The following ARHGEF12 variants were observed in gnomAD, a reference collection of about 807,000 sequenced individuals.
The protein encoded by ARHGEF12 is KMT2A/ARHGEF12 fusion protein.
A neutral mutation model predicts 211.2 loss-of-function variants in ARHGEF12; 66 were observed. The ratio of observed to expected loss-of-function variants is 0.31; its 90% CI spans 0.26 to 0.38. The LOEUF (loss-of-function observed/expected upper bound fraction) is 0.38, where lower values mean the gene tolerates loss of function less well. ARHGEF12 is among the 10% of genes least tolerant of loss of function. The pLI is 1.00. For missense variants in ARHGEF12, 1,429 were observed against 1,869.5 expected (o/e 0.76, Z 4.34); for synonymous variants, 592 against 638.4 (o/e 0.93, Z 1.09).
chr11:120,363,059 C>G (rs1943321962), intron 1 of ARHGEF12, among the ~76,000 whole-genome samples: 1 of 152,138 alleles, frequency 6.6e-6, no homozygotes, highest in Non-Finnish European at 1.5e-5. Context: ...GAGATCGCAC[C>G]ACTGCACTCC....
intron 1 of ARHGEF12, among the ~76,000 whole-genome samples, chr11:120,351,341 CAAAAAAAAAAAA>C (rs35596601): frequency 1.6e-4 from 3 of 18,692 alleles, no homozygotes; most frequent in South Asian, 6.0e-3. Context: ...GACTCCGTCT[CAAAAAAAAAAAA>C]AAAAAAAAAA....
intron 1 of ARHGEF12, among the ~76,000 whole-genome samples, chr11:120,401,168 G>A (rs1468702199): frequency 2.0e-5 from 3 of 151,942 alleles, no homozygotes; most frequent in Non-Finnish European, 4.4e-5. Flanking sequence ...TTTTTCTCCC[G>A]ATTCCACAAT....
chr11:120,437,381 CTG>C lies in ARHGEF12; in HGVS notation c.999+2_999+3del, dbSNP rs762375479. 3 of 1,610,340 alleles carry C rather than the reference CTG, an allele frequency of 1.9e-6. No homozygotes were observed. Among genetic ancestry groups the C allele is most frequent in the East Asian group, 4.5e-5 (2 of 44,678 alleles). ...GAGAAAAGTGAAACAATTCAGGACA[CTG>C]TGAGTATGAAATCCATGCAATGATA... On this transcript the variant is annotated splice_donor_variant and coding_sequence_variant, in exon 12 of 41. Transcript: ENST00000397843. LOFTEE classifies it high-confidence loss of function.
At chr11:120,425,506 G>T (rs1945317574) in intron 7 of ARHGEF12, among the ~76,000 whole-genome samples, 1 of 151,410 alleles carries the variant, frequency 6.6e-6, no homozygotes, top group South Asian at 2.1e-4. Context: ...GGGTTTTGCT[G>T]TGTTCCCCAG....
chr11:120,455,423 G>A (rs1303566679), intron 22 of ARHGEF12, among the ~76,000 whole-genome samples: 1 of 152,154 alleles, frequency 6.6e-6, no homozygotes, highest in Admixed American at 6.5e-5. Context: ...ATACAAAAGA[G>A]CCATGCCTTC....
chr11:120,347,162 TCCTTCCTTCCTTC>T (rs1942770259), intron 1 of ARHGEF12, among the ~76,000 whole-genome samples: 1 of 65,344 alleles, frequency 1.5e-5, no homozygotes, highest in Non-Finnish European at 2.8e-5. Flanking sequence ...CTTCCTTCCT[TCCTTCCTTCCTTC>T]CTTCCTTCCT....
At chr11:120,442,583 G>A (rs777771407) in intron 15 of ARHGEF12, among the ~76,000 whole-genome samples, 1 of 151,970 alleles carries the variant, frequency 6.6e-6, no homozygotes, top group Non-Finnish European at 1.5e-5. Context: ...ACTGAACTCT[G>A]GGTGGCCTCT....
chr11:120,409,555 C>A, intron 4 of ARHGEF12, 105 bp downstream of exon 4: 2 of 1,180,092 alleles, frequency 1.7e-6, no homozygotes, highest in Non-Finnish European at 2.4e-6. Context: ...ATAACTGCAG[C>A]CTTTCTTGTG....
At chr11:120,435,269 T>C (rs1190359901) in intron 11 of ARHGEF12, among the ~76,000 whole-genome samples, 1 of 152,116 alleles carries the variant, frequency 6.6e-6, no homozygotes, top group African/African-American at 2.4e-5. Context: ...ATTTTCTAAT[T>C]ATATTTTCAT....
intron 1 of ARHGEF12, among the ~76,000 whole-genome samples, chr11:120,391,810 C>T (rs1342408618): frequency 6.6e-6 from 1 of 152,184 alleles, no homozygotes; most frequent in Non-Finnish European, 1.5e-5. Context: ...TTCTAAAAAT[C>T]TACCTTCAAG....
At chr11:120,434,244 A>G (rs1400655443) in intron 11 of ARHGEF12, among the ~76,000 whole-genome samples, 1 of 152,216 alleles carries the variant, frequency 6.6e-6, no homozygotes, top group Non-Finnish European at 1.5e-5. Flanking sequence ...TTCAGTACCT[A>G]CTTTGTGCCA....
intron 1 of ARHGEF12, among the ~76,000 whole-genome samples, chr11:120,373,345 G>A (rs912273115): frequency 2.0e-5 from 3 of 152,090 alleles, no homozygotes; most frequent in Non-Finnish European, 2.9e-5. Context: ...TTTAAAATAT[G>A]TTTTATTTCC....
intron 31 of ARHGEF12, among the ~76,000 whole-genome samples, chr11:120,473,466 A>C (rs1026050953): frequency 5.9e-5 from 9 of 152,208 alleles, no homozygotes; most frequent in Non-Finnish European, 1.0e-4. Context: ...GCAGTGGTGC[A>C]GTCTTGGCTC....
intron 1 of ARHGEF12, among the ~76,000 whole-genome samples, chr11:120,343,489 A>G (rs1410122381): frequency 2.0e-5 from 3 of 152,260 alleles, no homozygotes; most frequent in African/African-American, 7.2e-5. Context: ...TTGCATGAGT[A>G]TATAGTGTCG....
rs147791210 is a variant in ARHGEF12, at chr11:120,414,791, T to C, written c.199+5341T>C. Among the ~76,000 whole-genome samples, 643 of 152,328 alleles carry C rather than the reference T, an allele frequency of 4.2e-3. 7 individuals are homozygous for C. The highest frequency in any genetic ancestry group is 0.015 in the African/African-American group (619 of 41,582). The stretch of plus-strand genomic sequence containing the variant: ...ATTTTTTGTAGAGAAGAGGTCTTGC[T>C]AAGTTGCCCAGGCTGTGCTCAAACT... On this transcript the variant is annotated intron_variant, in intron 4 of 40. Coordinates refer to ENST00000397843, the MANE Select transcript of ARHGEF12 (RefSeq NM_015313.3).
chr11:120,357,086 G>A (rs1210616633), intron 1 of ARHGEF12, among the ~76,000 whole-genome samples: 3 of 151,408 alleles, frequency 2.0e-5, no homozygotes, highest in Non-Finnish European at 2.9e-5. Flanking sequence ...GTGCAGTGGC[G>A]TGATCTCAGC....
chr11:120,357,021 T>TG (rs1347960218), intron 1 of ARHGEF12, among the ~76,000 whole-genome samples: 11 of 152,064 alleles, frequency 7.2e-5, no homozygotes, highest in Admixed American at 7.2e-4. Flanking sequence ...ACTGTTTTTT[T>TG]TTTTGTTTTG....
At chr11:120,363,307 G>C (rs1943330981) in intron 1 of ARHGEF12, among the ~76,000 whole-genome samples, 1 of 152,222 alleles carries the variant, frequency 6.6e-6, no homozygotes, top group Admixed American at 6.5e-5. Context: ...GTGGATAAAG[G>C]AGGTTTAAAG....
rs1435691305 is a variant in ARHGEF12 at position 120,446,237 on chromosome 11, T to TAATAATAATAATAAA, written c.1346-165_1346-164insATAATAATAATAAAA. 3.8e-3 allele frequency among the ~76,000 whole-genome samples: 543 copies of TAATAATAATAATAAA among 142,592 alleles called. 21 individuals are homozygous for TAATAATAATAATAAA. The South Asian group carries it at 0.088, about 23-fold the overall frequency. 93.5% of individuals were successfully genotyped at this position (142,592 alleles called of 152,430 possible). ...ATAATAATAATAATAATAATAATAA[T>TAATAATAATAATAAA]AGAGTAAATGAAATCAGAATTCTGG... On this transcript the variant is annotated intron_variant, in intron 16 of 40. Transcript: ENST00000397843.
Sources: allele counts gnomAD v4.1 joint callset (sites outside exome capture counted in the v4.1 genomes callset), GRCh38; gene constraint gnomAD v4.1.1; transcripts MANE v1.5; gene names NCBI Gene and HGNC (gene_info 2026-07-23, HGNC 2026-07-21).